QDPR: variants seen among roughly 807,000 people sequenced by gnomAD.
QDPR encodes quinoid dihydropteridine reductase.
In QDPR, 23 loss-of-function variants were observed where a neutral mutation model predicts 31.7. The observed-to-expected ratio is 0.73, with a 90% CI of 0.52 to 1.03. QDPR has a LOEUF of 1.03. Ranked by LOEUF, QDPR falls within the 50% of genes least tolerant of loss-of-function variation. The pLI is 0.00. For synonymous variants in QDPR, 124 were observed against 124.7 expected (o/e 0.99, Z 0.03); for missense variants, 324 against 323.8 (o/e 1.00, Z 0.00).
rs1717974592 is a variant in QDPR, at chr4:17,486,873, T to C, written c.*258A>G. 2.4e-5 allele frequency: 12 copies of C among 510,222 alleles called. No individual in the cohort carries two copies. The South Asian group carries it at 2.6e-4, about 11-fold the overall frequency. The allele number at this position is 510,222 out of a possible 1,614,324, so 31.6% of individuals were successfully genotyped here. On this transcript the variant is annotated 3_prime_UTR_variant, in exon 7 of 7. Coordinates refer to ENST00000281243, the MANE Select transcript of QDPR (RefSeq NM_000320.3). ...TCCAACATGACACCGCTATAGCAGGTGCTATGCAGAGCCCTCCCTATGCAG... is the reference window on the plus strand; with the variant it reads ...TCCAACATGACACCGCTATAGCAGGCGCTATGCAGAGCCCTCCCTATGCAG...
chr4:17,504,611 T>G, intron 2 of QDPR, 136 bp from the exon 3 acceptor site: 1 of 752,920 alleles, frequency 1.3e-6, no homozygotes, highest in East Asian at 2.7e-5. Context: ...CTTTGAGAAT[T>G]AGACGGAAGA....
At chr4:17,508,339 T>C (rs1718863087) in intron 2 of QDPR, among the ~76,000 whole-genome samples, 1 of 152,210 alleles carries the variant, frequency 6.6e-6, no homozygotes, top group South Asian at 2.1e-4. Flanking sequence ...CTCAGGAGAC[T>C]GAGGCACAAG....
chr4:17,510,729 A>G (rs1001749518), intron 1 of QDPR, among the ~76,000 whole-genome samples: 1 of 152,150 alleles, frequency 6.6e-6, no homozygotes, highest in African/African-American at 2.4e-5. Context: ...CTACTGCCTT[A>G]AAGATATTGG....
At chr4:17,502,560 G>A (rs1037243302) in intron 3 of QDPR, among the ~76,000 whole-genome samples, 6 of 152,138 alleles carry the variant, frequency 3.9e-5, no homozygotes, top group African/African-American at 1.4e-4. Flanking sequence ...AAAACCTGAT[G>A]GATCCACATT....
chr4:17,508,951 G>A (rs1718892257), intron 2 of QDPR, among the ~76,000 whole-genome samples: 1 of 152,142 alleles, frequency 6.6e-6, no homozygotes, highest in South Asian at 2.1e-4. Context: ...AAGGTCAGGA[G>A]TTCAAGATCA....
At position 17,490,666 on chromosome 4, in the gene QDPR, C is replaced by T. The variant is rs1052861166; in HGVS notation, c.625G>A (p.Val209Ile). ...GGACATGTCTGTAATACTCACTCAA[C>T]TAGGAATTCTAAGGGTGTCCAGGAG... ...FSSWTPLEFL[V>I]ETFHDWITGK... Residue 209 changes from valine (V) to isoleucine (I), a missense_variant, in exon 6 of 7, where the codon GTT becomes ATT. Transcript: ENST00000281243. The T allele has an allele frequency of 1.2e-6, 2 of 1,612,458 alleles. No homozygotes were observed. Among genetic ancestry groups the T allele is most frequent in the Non-Finnish European group, 8.5e-7 (1 of 1,178,618 alleles).
intron 4 of QDPR, among the ~76,000 whole-genome samples, chr4:17,494,350 TA>T (rs1560309283): frequency 6.6e-6 from 1 of 152,120 alleles, no homozygotes; most frequent in African/African-American, 2.4e-5. Context: ...CAGCAACTTA[TA>T]GAGATGATCC....
At chr4:17,494,218 G>A (rs1718270169) in intron 4 of QDPR, among the ~76,000 whole-genome samples, 1 of 150,808 alleles carries the variant, frequency 6.6e-6, no homozygotes. Context: ...AGACAGGGAG[G>A]GTCTCCAAGG....
At chr4:17,496,472 A>AAAAAAAAAAAAAAAATG (rs1560310399) in intron 4 of QDPR, among the ~76,000 whole-genome samples, 1 of 129,864 alleles carries the variant, frequency 7.7e-6, no homozygotes, top group African/African-American at 2.9e-5. Flanking sequence ...AAAAAAAAAA[A>AAAAAAAAAAAAAAAATG]GAACAAACTG....
chr4:17,505,051 C>A (rs918802005), intron 2 of QDPR, among the ~76,000 whole-genome samples: 1 of 152,126 alleles, frequency 6.6e-6, no homozygotes, highest in Non-Finnish European at 1.5e-5. Context: ...CTTTAATGAT[C>A]TCTCTGCTTC....
chr4:17,493,943 A>T (rs933511166), intron 4 of QDPR, among the ~76,000 whole-genome samples: 21 of 152,176 alleles, frequency 1.4e-4, no homozygotes, highest in African/African-American at 5.1e-4. Flanking sequence ...AACGACACAC[A>T]GGAATAGAGT....
At chr4:17,492,443 A>G (rs896290799) in intron 4 of QDPR, 103 bp from the exon 5 acceptor site, 100 of 922,880 alleles carry the variant, frequency 1.1e-4, no homozygotes, top group Non-Finnish European at 1.7e-4. Flanking sequence ...AAACTTTATA[A>G]ATAGCTGCAT....
At chr4:17,489,278 G>T (rs754497943) in intron 6 of QDPR, among the ~76,000 whole-genome samples, 7 of 152,134 alleles carry the variant, frequency 4.6e-5, no homozygotes, top group Non-Finnish European at 1.0e-4. Context: ...TAGAACAAAA[G>T]GGGGCCTGTG....
intron 4 of QDPR, among the ~76,000 whole-genome samples, chr4:17,498,947 AAATT>A (rs1372709940): frequency 3.3e-5 from 5 of 152,258 alleles, no homozygotes; most frequent in African/African-American, 1.2e-4. Context: ...CTCATGACTC[AAATT>A]ATTAATAGCT....
At chr4:17,505,167 A>G (rs1718714363) in intron 2 of QDPR, among the ~76,000 whole-genome samples, 1 of 149,330 alleles carries the variant, frequency 6.7e-6, no homozygotes, top group Admixed American at 6.7e-5. Context: ...ATCCACCACG[A>G]CTCTTCCGTA....
intron 5 of QDPR, 123 bp from the exon 6 acceptor site, chr4:17,490,868 G>C: frequency 1.4e-6 from 1 of 721,246 alleles, no homozygotes; most frequent in Non-Finnish European, 2.5e-6. Flanking sequence ...TGGCACTGAG[G>C]GTGCTATTTA....
Position 17,487,084 on chromosome 4 carries a change from G to C in QDPR, c.*47C>G, listed in dbSNP as rs138092282. 3.4e-6 allele frequency: 5 copies of C among 1,458,444 alleles called. No individual in the cohort carries two copies. In the East Asian group the frequency reaches 1.1e-4, roughly 33 times the overall value. The allele number at this position is 1,458,444 out of a possible 1,614,324, so 90.3% of individuals were successfully genotyped here. On this transcript the variant is annotated 3_prime_UTR_variant, in exon 7 of 7. Transcript: ENST00000281243. ...GGCTGGACAAGGCCACACTGAGACA[G>C]GTTAGTGACTTTTCTGGCAGGCCCC...
intron 4 of QDPR, among the ~76,000 whole-genome samples, chr4:17,497,750 G>A (rs1718417557): frequency 6.6e-6 from 1 of 152,104 alleles, no homozygotes; most frequent in Admixed American, 6.5e-5. Flanking sequence ...AACAAGCCAA[G>A]CACCCAGAAG....
Position 17,486,862 on chromosome 4 carries a change from G to C in QDPR, c.*269C>G. ...CACAAAAGCGATCCAACATGACACCGCTATAGCAGGTGCTATGCAGAGCCC... is the reference window on the plus strand; with the variant it reads ...CACAAAAGCGATCCAACATGACACCCCTATAGCAGGTGCTATGCAGAGCCC... On this transcript the variant is annotated 3_prime_UTR_variant, in exon 7 of 7. Transcript: ENST00000281243. 1 of 486,964 alleles carries C rather than the reference G, an allele frequency of 2.1e-6. No homozygotes were observed. The highest frequency in any genetic ancestry group is 3.3e-5 in the Admixed American group (1 of 30,464). The allele number at this position is 486,964 out of a possible 1,614,324, so 30.2% of individuals were successfully genotyped here.
Sources: allele counts gnomAD v4.1 joint callset (sites outside exome capture counted in the v4.1 genomes callset), GRCh38; gene constraint gnomAD v4.1.1; transcripts MANE v1.5; gene names NCBI Gene and HGNC (gene_info 2026-07-23, HGNC 2026-07-21).